Variants in SLC6A5 observed in about 807,000 individuals in gnomAD.
SLC6A5 encodes the protein sodium- and chloride-dependent glycine transporter 2.
In SLC6A5, 58 loss-of-function variants were observed where a neutral mutation model predicts 90.5. That is an observed-to-expected ratio of 0.64 (90% CI 0.52 to 0.80). The LOEUF is 0.80. Among genes scored for constraint, SLC6A5 ranks in the 30% least tolerant of loss-of-function variants. The pLI is 0.00. For synonymous variants in SLC6A5, 427 were observed against 401.4 expected, an observed-to-expected ratio of 1.06 and a Z score of -0.76; for missense variants, 1,015 against 1,017.6, an observed-to-expected ratio of 1.00 and a Z score of 0.03.
intron 15 of SLC6A5, among the ~76,000 whole-genome samples, chr11:20,653,326 C>G (rs1179928928): frequency 6.6e-6 from 1 of 152,194 alleles, no homozygotes; most frequent in Non-Finnish European, 1.5e-5. Context: ...AAGACTCCTA[C>G]TGAACCAGAG....
intron 14 of SLC6A5, among the ~76,000 whole-genome samples, chr11:20,648,992 G>A (rs1302074644): frequency 6.6e-6 from 1 of 152,120 alleles, no homozygotes; most frequent in Non-Finnish European, 1.5e-5. Flanking sequence ...ACAATGCCAA[G>A]AATTGAATCC....
chr11:20,654,675 T>A, intron 15 of SLC6A5, 38 bp from the exon 16 acceptor site: 1 of 1,612,434 alleles, frequency 6.2e-7, no homozygotes, highest in South Asian at 1.1e-5. Flanking sequence ...GAAGGTGCAC[T>A]ACTTCTGTGA....
chr11:20,601,253 C>T lies in SLC6A5; in HGVS notation c.128C>T (p.Ala43Val). The change falls in exon 2 of 16, where the codon GCT (alanine) becomes GTT (valine). Residue 43 changes from alanine (A) to valine (V), a missense_variant. Around this residue, in one of 3 missense-constraint regions of SLC6A5, gnomAD observed 567 missense variants for 507.3 expected, o/e 1.12. Coordinates refer to ENST00000525748, the MANE Select transcript of SLC6A5 (RefSeq NM_004211.5). ...AGCCCGGAGCAGGAGCTTCCCGCGG[C>T]TGCCGCCCCGCCGCCGCCACGTGTG... ...RTSPEQELPA[A>V]AAPPPPRVPR... is the part of the protein sequence containing the mutation. The T allele has an allele frequency of 1.3e-6, 2 of 1,583,670 alleles. No individual in the cohort carries two copies. The highest frequency in any genetic ancestry group is 8.5e-7 in the Non-Finnish European group (1 of 1,172,558).
At chr11:20,635,908 C>T (rs1181623060) in intron 10 of SLC6A5, among the ~76,000 whole-genome samples, 1 of 152,116 alleles carries the variant, frequency 6.6e-6, no homozygotes, top group Non-Finnish European at 1.5e-5. Flanking sequence ...GCCAAATATC[C>T]CAAACATGGC....
intron 5 of SLC6A5, 97 bp downstream of exon 5, chr11:20,607,749 AC>A: frequency 2.1e-6 from 2 of 948,726 alleles, no homozygotes; most frequent in Non-Finnish European, 3.4e-6. Flanking sequence ...TAGGACCTAT[AC>A]TAGGTTCTGG....
At chr11:20,649,291 C>T (rs796691870) in intron 14 of SLC6A5, among the ~76,000 whole-genome samples, 11 of 152,292 alleles carry the variant, frequency 7.2e-5, no homozygotes, top group African/African-American at 2.6e-4. Context: ...GAAGTAAGGA[C>T]AATGAGAAGG....
rs751752571 is a variant in SLC6A5 at position 20,601,379 on chromosome 11, C to T, written c.254C>T (p.Pro85Leu). 3.1e-6 allele frequency: 5 copies of T among 1,603,348 alleles called. No homozygotes were observed. Among genetic ancestry groups the T allele is most frequent in the Middle Eastern group, 1.7e-4 (1 of 6,002 alleles). The change falls in exon 2 of 16, where the codon CCG becomes CTG. Residue 85 changes from proline to leucine, a missense_variant. Around this residue, in one of 3 missense-constraint regions of SLC6A5, gnomAD observed 567 missense variants for 507.3 expected, o/e 1.12. Transcript: ENST00000525748. ...GTGGGGTCTTGCAAACTCAGTAGCC[C>T]GCGGGCGCAGGCGGCCTCTGCAGCT... ...PGVGSCKLSS[P>L]RAQAASAALR...
chr11:20,628,695 T>A (rs1022171316), intron 9 of SLC6A5, among the ~76,000 whole-genome samples: 8 of 152,172 alleles, frequency 5.3e-5, no homozygotes, highest in Middle Eastern at 3.2e-3. Context: ...ACTTCATTAG[T>A]CACAACTGCT....
rs1590187854 is a variant in SLC6A5 at position 20,658,701 on chromosome 11, AGATTAG to A, written c.*3835_*3840del. On this transcript the variant is annotated 3_prime_UTR_variant, in exon 16 of 16. Transcript: ENST00000525748. Reference sequence around the variant, plus strand: ...CTGCAGCCAAAGAGAAAGTGTTTTCAGATTAGGTATTCATCACCTCTGAAAAGCAAG... The same window carrying A: ...CTGCAGCCAAAGAGAAAGTGTTTTCAGTATTCATCACCTCTGAAAAGCAAG... The A allele has an allele frequency of 6.6e-6, 1 of 152,224 alleles. No homozygotes were observed. The highest frequency in any genetic ancestry group is 2.4e-5 in the African/African-American group (1 of 41,452). The allele number at this position is 152,224 out of a possible 1,614,324, so 9.4% of individuals were successfully genotyped here. A position where few individuals can be genotyped will look rare whatever the true frequency, so the allele number is the denominator to read the frequency against.
intron 7 of SLC6A5, among the ~76,000 whole-genome samples, chr11:20,625,382 C>T (rs1852973480): frequency 6.6e-6 from 1 of 152,150 alleles, no homozygotes; most frequent in East Asian, 1.9e-4. Context: ...CTGCCTAAGC[C>T]TCCTGAATAG....
chr11:20,604,103 G>A (rs956457217), intron 2 of SLC6A5, among the ~76,000 whole-genome samples, 183 bp from the exon 3 acceptor site: 5 of 151,942 alleles, frequency 3.3e-5, no homozygotes, highest in African/African-American at 1.2e-4. Flanking sequence ...GGGTTGAGGG[G>A]TGAGGTCCCT....
At chr11:20,646,802 C>CT in intron 13 of SLC6A5, 32 bp from the exon 14 acceptor site, 1 of 1,482,080 alleles carries the variant, frequency 6.7e-7, no homozygotes, top group Non-Finnish European at 9.4e-7. Context: ...GCTACTGTGC[C>CT]TTATACCTGT....
chr11:20,623,739 G>A (rs1260862063), intron 7 of SLC6A5, among the ~76,000 whole-genome samples: 1 of 151,862 alleles, frequency 6.6e-6, no homozygotes, highest in African/African-American at 2.4e-5. Context: ...GTTCCTAGGA[G>A]CCAGGCACAC....
At chr11:20,654,673 A>G (rs750305156) in intron 15 of SLC6A5, 40 bp from the exon 16 acceptor site, 1 of 1,611,308 alleles carries the variant, frequency 6.2e-7, no homozygotes, top group Non-Finnish European at 8.5e-7. Flanking sequence ...AGGAAGGTGC[A>G]CTACTTCTGT....
At position 20,621,579 on chromosome 11, in the gene SLC6A5, C is replaced by T. The variant is rs149318352; in HGVS notation, c.1260+3695C>T. 9.2e-5 allele frequency among the ~76,000 whole-genome samples: 14 copies of T among 152,262 alleles called. No individual in the cohort carries two copies. In the East Asian group the frequency reaches 2.7e-3, roughly 29 times the overall value. Reference sequence around the variant, plus strand: ...TTTTATTTTAAATGAAGAATACTACCAGAAATAATGAATCACAATTTACTA... The same window carrying T: ...TTTTATTTTAAATGAAGAATACTACTAGAAATAATGAATCACAATTTACTA... On this transcript the variant is annotated intron_variant, in intron 7 of 15. Coordinates refer to ENST00000525748, the MANE Select transcript of SLC6A5 (RefSeq NM_004211.5).
intron 15 of SLC6A5, among the ~76,000 whole-genome samples, chr11:20,653,815 C>T (rs527537407): frequency 6.6e-6 from 1 of 152,188 alleles, no homozygotes; most frequent in Non-Finnish European, 1.5e-5. Flanking sequence ...CTGAATAGAA[C>T]CTGGTTTAGC....
chr11:20,601,509 G>A lies in SLC6A5; in HGVS notation c.384G>A (p.Pro128=). The part of the protein sequence containing the change: ...LHCKIPFLRG[P]EGDANVSVGK... ...GTAAGATCCCTTTTCTGCGAGGCCC[G>A]GAGGGGGATGCGAACGTGAGTGTGG... Residue 128 remains proline, a synonymous_variant, in exon 2 of 16, where the codon CCG becomes CCA. Transcript: ENST00000525748. 2 of 1,614,068 alleles carry A rather than the reference G, an allele frequency of 1.2e-6. No homozygotes were observed. Among genetic ancestry groups the A allele is most frequent in the Non-Finnish European group, 1.7e-6 (2 of 1,179,974 alleles).
chr11:20,608,922 G>C (rs4923389), intron 5 of SLC6A5, among the ~76,000 whole-genome samples: 24 of 131,750 alleles, frequency 1.8e-4, no homozygotes, highest in African/African-American at 4.8e-4. Context: ...CTGTCTGTCT[G>C]TCTCTCTCTC....
chr11:20,630,802 T>G lies in SLC6A5; in HGVS notation c.1611T>G (p.Asn537Lys). ...ATGAACGCAAAGTCAACATTGAGAA[T>G]GTGGCAGACCAAGGTACAGGACAGT... ...MANERKVNIE[N>K]VADQGPGIAF... Residue 537 changes from asparagine (N) to lysine (K), a missense_variant, in exon 10 of 16, where the codon AAT becomes AAG. By Grantham distance (94) the Asn-to-Lys change is moderately conservative. This residue lies in a region of SLC6A5 where 442 missense variants were observed against 494.3 expected (regional missense o/e 0.89). Transcript: ENST00000525748. 1 of 1,614,214 alleles carries G rather than the reference T, an allele frequency of 6.2e-7. No homozygotes were observed. The highest frequency in any genetic ancestry group is 8.5e-7 in the Non-Finnish European group (1 of 1,180,022).
Sources: allele counts gnomAD v4.1 joint callset (sites outside exome capture counted in the v4.1 genomes callset), GRCh38; gene constraint gnomAD v4.1.1; regional missense constraint gnomAD v4.1.1; transcripts MANE v1.5; gene names NCBI Gene and HGNC (gene_info 2026-07-23, HGNC 2026-07-21).